Variants in KCNIP4 observed in about 807,000 individuals in gnomAD.
KCNIP4 encodes Kv channel-interacting protein 4.
A neutral mutation model predicts 34.0 loss-of-function variants in KCNIP4; 12 were observed. That is an observed-to-expected ratio of 0.35 (90% CI 0.23 to 0.57). The LOEUF (loss-of-function observed/expected upper bound fraction) is 0.57, where lower values mean the gene tolerates loss of function less well. Ranked by LOEUF, KCNIP4 falls within the 20% of genes least tolerant of loss-of-function variation. KCNIP4 has a pLI of 0.83. For missense variants in KCNIP4, 238 were observed against 311.7 expected (o/e 0.76, Z 1.78); for synonymous variants, 124 against 102.2 (o/e 1.21, Z -1.29).
intron 1 of KCNIP4, among the ~76,000 whole-genome samples, chr4:20,992,379 T>G (rs1462308911): frequency 6.6e-6 from 1 of 152,150 alleles, no homozygotes; most frequent in East Asian, 1.9e-4. Context: ...GGGAAACCAC[T>G]TCTATGATCC....
chr4:21,092,439 C>G (rs1012749192), intron 1 of KCNIP4, among the ~76,000 whole-genome samples: 1 of 152,110 alleles, frequency 6.6e-6, no homozygotes, highest in Non-Finnish European at 1.5e-5. Context: ...AGTTCCAAAC[C>G]CAGAGTGGTC....
At chr4:21,242,754 T>G (rs571489165) in intron 1 of KCNIP4, among the ~76,000 whole-genome samples, 1 of 152,286 alleles carries the variant, frequency 6.6e-6, no homozygotes, top group South Asian at 2.1e-4. Flanking sequence ...TGAAATGGAA[T>G]GAAATCAAGG....
At chr4:21,698,017 T>G (rs372822244) in intron 1 of KCNIP4, among the ~76,000 whole-genome samples, 3 of 106,502 alleles carry the variant, frequency 2.8e-5, no homozygotes, top group South Asian at 2.5e-4. Context: ...CTGCTCAAGG[T>G]CAGACATCAG....
chr4:21,908,930 T>C (rs4277766), intron 1 of KCNIP4, among the ~76,000 whole-genome samples: 122,922 of 151,994 alleles, frequency 0.81, 49,797 homozygotes, highest in East Asian at 0.93. Flanking sequence ...TCTACAACTC[T>C]GAGTTTGTGT....
At chr4:20,752,723 G>A (rs931618264) in intron 4 of KCNIP4, 2 of 152,220 alleles carry the variant, frequency 1.3e-5, no homozygotes, top group African/African-American at 4.8e-5. Flanking sequence ...TTAAAGAAGA[G>A]GAGTGAAGCC....
intron 1 of KCNIP4, among the ~76,000 whole-genome samples, chr4:21,445,327 G>T (rs1245786169): frequency 2.0e-5 from 3 of 152,172 alleles, no homozygotes; most frequent in Admixed American, 2.0e-4. Flanking sequence ...TTAATCGTAA[G>T]CCAAAACAAC....
intron 1 of KCNIP4, among the ~76,000 whole-genome samples, chr4:21,288,715 T>C (rs1233014092): frequency 2.0e-5 from 3 of 152,222 alleles, no homozygotes; most frequent in Non-Finnish European, 4.4e-5. Context: ...ATCAACACTC[T>C]GGACCACCAC....
At chr4:21,219,722 G>C (rs1033366643) in intron 1 of KCNIP4, among the ~76,000 whole-genome samples, 1 of 152,150 alleles carries the variant, frequency 6.6e-6, no homozygotes, top group Non-Finnish European at 1.5e-5. Context: ...AAGGTTTCAA[G>C]TGGGAAGGTG....
intron 1 of KCNIP4, among the ~76,000 whole-genome samples, chr4:21,109,598 G>C (rs180813109): frequency 6.6e-6 from 1 of 152,172 alleles, no homozygotes; most frequent in East Asian, 1.9e-4. Flanking sequence ...CGCATGGTGC[G>C]CTGCACCCAC....
chr4:21,779,014 G>C (rs959494239), intron 1 of KCNIP4, among the ~76,000 whole-genome samples: 5 of 143,536 alleles, frequency 3.5e-5, no homozygotes, highest in African/African-American at 1.3e-4. Flanking sequence ...GTGGGCATGA[G>C]AGAGAGAGAG....
At chr4:21,006,730 G>A (rs1738589493) in intron 1 of KCNIP4, among the ~76,000 whole-genome samples, 1 of 152,174 alleles carries the variant, frequency 6.6e-6, no homozygotes, top group Admixed American at 6.5e-5. Flanking sequence ...ATGGGGCAGG[G>A]AATGGGTAAG....
At chr4:21,658,569 AT>A (rs1292920603) in intron 1 of KCNIP4, among the ~76,000 whole-genome samples, 3 of 151,928 alleles carry the variant, frequency 2.0e-5, no homozygotes, top group Non-Finnish European at 4.4e-5. Context: ...GGCCTGGCTA[AT>A]TTTTATATTT....
intron 1 of KCNIP4, among the ~76,000 whole-genome samples, chr4:20,916,988 TATATATATATATATATATATATATATA>T (rs1728893599): frequency 0.014 from 430 of 30,366 alleles, 68 homozygotes; most frequent in African/African-American, 0.028. Flanking sequence ...CTTATGTTTA[TATATATATATATATATATATATATATA>T]TATATATATA....
At chr4:20,752,028 TAAC>T (rs1315368755) in intron 4 of KCNIP4, among the ~76,000 whole-genome samples, 2 of 150,108 alleles carry the variant, frequency 1.3e-5, no homozygotes, top group Non-Finnish European at 3.0e-5. Flanking sequence ...TACAAAATGA[TAAC>T]AATATCAGTA....
At chr4:21,584,892 C>T (rs1019406882) in intron 1 of KCNIP4, among the ~76,000 whole-genome samples, 4 of 152,020 alleles carry the variant, frequency 2.6e-5, no homozygotes, top group African/African-American at 9.7e-5. Context: ...GAGCAATATA[C>T]GTAATCCTCT....
At chr4:21,507,721 C>G (rs1437282630) in intron 1 of KCNIP4, among the ~76,000 whole-genome samples, 1 of 152,080 alleles carries the variant, frequency 6.6e-6, no homozygotes. Context: ...GTGCCTTTGG[C>G]TATGCTGATT....
intron 1 of KCNIP4, among the ~76,000 whole-genome samples, chr4:21,070,858 G>C (rs1200658860): frequency 1.3e-5 from 2 of 151,348 alleles, no homozygotes; most frequent in Non-Finnish European, 2.9e-5. Context: ...TGTATTTTTA[G>C]TAGAGATGGG....
chr4:20,774,142 A>T (rs749965001), intron 3 of KCNIP4, among the ~76,000 whole-genome samples: 5 of 152,200 alleles, frequency 3.3e-5, no homozygotes, highest in Non-Finnish European at 5.9e-5. Context: ...TCGTGCCTGG[A>T]TGTATAAACA....
At position 21,329,112 on chromosome 4, in the gene KCNIP4, C is replaced by T. The variant is rs542294556; in HGVS notation, c.62-446403G>A. Among the ~76,000 whole-genome samples the T allele has an allele frequency of 6.6e-5, 10 of 152,342 alleles. No individual in the cohort carries two copies. In the South Asian group the frequency reaches 2.1e-3, roughly 32 times the overall value. On this transcript the variant is annotated intron_variant, in intron 1 of 8. Coordinates refer to ENST00000382152, the MANE Select transcript of KCNIP4 (RefSeq NM_025221.6). Reference sequence around the variant, plus strand: ...TTGCAAAAGCAAAAAATAAACCTAACATCTGAATAATTTCAATAAGTGCTA... The same window carrying T: ...TTGCAAAAGCAAAAAATAAACCTAATATCTGAATAATTTCAATAAGTGCTA...
Sources: allele counts gnomAD v4.1 joint callset (sites outside exome capture counted in the v4.1 genomes callset), GRCh38; gene constraint gnomAD v4.1.1; transcripts MANE v1.5; gene names NCBI Gene and HGNC (gene_info 2026-07-23, HGNC 2026-07-21).